The following ACOX3 variants were observed in gnomAD, a reference collection of about 807,000 sequenced individuals.
ACOX3 encodes acyl-CoA oxidase 3, pristanoyl, also known as peroxisomal acyl-coenzyme A oxidase 3.
A neutral mutation model predicts 81.5 loss-of-function variants in ACOX3; 73 were observed. The observed-to-expected ratio is 0.90, with a 90% CI of 0.74 to 1.09. The LOEUF is 1.09. Among genes scored for constraint, ACOX3 ranks in the 50% least tolerant of loss-of-function variants. The probability of loss-of-function intolerance (pLI) is 0.00; values close to 1 mark genes in which losing one functional copy is unlikely to be tolerated. For missense variants in ACOX3, 947 were observed against 928.0 expected, an observed-to-expected ratio of 1.02 and a Z score of -0.27; for synonymous variants, 387 against 375.1, an observed-to-expected ratio of 1.03 and a Z score of -0.37.
chr4:8,369,750 C>T lies in ACOX3; in HGVS notation c.1983+1158G>A, dbSNP rs181699899. Among the ~76,000 whole-genome samples the T allele has an allele frequency of 4.0e-3, 602 of 152,358 alleles. 2 individuals carry two copies. The highest frequency in any genetic ancestry group is 5.4e-3 in the Non-Finnish European group (367 of 68,028). The stretch of plus-strand genomic sequence containing the variant: ...ATTCCCTGAGGACTGAGGGAGGGTC[C>T]TGCCCACTAAGGCTCAATCTCCATT... On this transcript the variant is annotated intron_variant, in intron 17 of 17. Coordinates refer to ENST00000356406, the MANE Select transcript of ACOX3 (RefSeq NM_003501.3).
In ACOX3 at chr4:8,374,572, C is replaced by A. The variant is rs139297443; in HGVS notation, c.1828+406G>T. 619 of 178,676 alleles carry A rather than the reference C, an allele frequency of 3.5e-3. 2 individuals are homozygous for A. The highest frequency in any genetic ancestry group is 0.013 in the African/African-American group (536 of 42,686). The allele number at this position is 178,676 out of a possible 1,614,324, so 11.1% of individuals were successfully genotyped here. ...TTTGGTTTAGCCTATTCCCACCAAT[C>A]CTCCAGGAATCAGCCCCAGCACCCC... On this transcript the variant is annotated intron_variant, in intron 15 of 17. Transcript: ENST00000356406.
At position 8,370,461 on chromosome 4, in the gene ACOX3, C is replaced by A. The variant is rs1311642107; in HGVS notation, c.1983+447G>T. ...GGGAAAGCGGGGCAGGGGAGAGTAA[C>A]CCCGGTGACAACCATGGATGGTCAG... is the stretch of plus-strand genomic sequence containing the variant. On this transcript the variant is annotated intron_variant, in intron 17 of 17. Transcript: ENST00000356406. This position sits in a 1 kb window ranked among gnomAD's most constrained non-coding sequence, Gnocchi z 6.3. Among the ~76,000 whole-genome samples, 1 of 151,932 alleles carries A rather than the reference C, an allele frequency of 6.6e-6. No individual in the cohort carries two copies. The highest frequency in any genetic ancestry group is 1.5e-5 in the Non-Finnish European group (1 of 67,950).
rs1482034133 is a variant in ACOX3 at position 8,385,559 on chromosome 4, A to G, written c.1537+3614T>C. On this transcript the variant is annotated intron_variant, in intron 13 of 17. Coordinates refer to ENST00000356406, the MANE Select transcript of ACOX3 (RefSeq NM_003501.3). This position sits in a 1 kb window ranked among gnomAD's most constrained non-coding sequence, Gnocchi z 5.5. ...GCAGGAAGCAACAGCACAGGCCCCC[A>G]AGGCACAGGGCTGTGACACTCAGCT... 6.6e-6 allele frequency among the ~76,000 whole-genome samples: 1 copy of G among 152,264 alleles called. No homozygotes were observed. Among genetic ancestry groups the G allele is most frequent in the Non-Finnish European group, 1.5e-5 (1 of 68,042 alleles).
chr4:8,399,598 C>T lies in ACOX3; in HGVS notation c.831G>A (p.Met277Ile), dbSNP rs200661693. 3.7e-6 allele frequency: 6 copies of T among 1,614,052 alleles called. No homozygotes were observed. In the South Asian group the frequency reaches 4.4e-5, roughly 12 times the overall value. The stretch of plus-strand genomic sequence containing the variant: ...AGGTGCCCTCGGGGGTGACGTCTCC[C>T]ATCCGGTTCAGAAGGCTCTGGCGAG... ...RVPRQSLLNR[M>I]GDVTPEGTYV... is the part of the protein sequence containing the mutation. Residue 277 changes from methionine (M) to isoleucine (I), a missense_variant, in exon 8 of 18, where the codon ATG becomes ATA. Met to Ile is a conservative substitution (Grantham distance 10). Coordinates refer to ENST00000356406, the MANE Select transcript of ACOX3 (RefSeq NM_003501.3). This position sits in a 1 kb window ranked among gnomAD's most constrained non-coding sequence, Gnocchi z 4.9.
chr4:8,396,016 AC>A (rs1190617998), intron 9 of ACOX3, among the ~76,000 whole-genome samples: 1 of 152,188 alleles, frequency 6.6e-6, no homozygotes, highest in Non-Finnish European at 1.5e-5. Flanking sequence ...AGCTGTGAAG[AC>A]CAAACCCAGA....
chr4:8,371,674 A>G (rs1379207370), intron 16 of ACOX3, among the ~76,000 whole-genome samples: 1 of 152,266 alleles, frequency 6.6e-6, no homozygotes. Flanking sequence ...GGAGGAACTG[A>G]GTGCACCTCT....
At chr4:8,373,478 C>CA (rs200795721) in intron 16 of ACOX3, 83 bp downstream of exon 16, 10 of 1,436,066 alleles carry the variant, frequency 7.0e-6, no homozygotes, top group African/African-American at 3.0e-5. Flanking sequence ...GCGTGTCGGT[C>CA]TGGGTGATGC....
chr4:8,375,082 A>G lies in ACOX3; in HGVS notation c.1724T>C (p.Val575Ala), dbSNP rs1391407791. 1 of 1,554,138 alleles carries G rather than the reference A, an allele frequency of 6.4e-7. No homozygotes were observed. Among genetic ancestry groups the G allele is most frequent in the East Asian group, 2.4e-5 (1 of 41,708 alleles). Residue 575 changes from valine to alanine, a missense_variant, in exon 15 of 18, where the codon GTG becomes GCG. By Grantham distance (64) the Val-to-Ala change is moderately conservative. Transcript: ENST00000356406. ...CGAGGGCGGCACGGAAGGCTGGTGC[A>G]CGTGCTCGTGGAACCTCTGGACCAC... ...LTVVQRFHEHVHQPSVPPSLR... is the reference protein window; with the variant it reads ...LTVVQRFHEHAHQPSVPPSLR...
chr4:8,421,787 G>A (rs931235536), intron 1 of ACOX3, among the ~76,000 whole-genome samples: 10 of 152,192 alleles, frequency 6.6e-5, no homozygotes, highest in Non-Finnish European at 1.3e-4. Context: ...GACATGGGAA[G>A]TTATGTGGGA....
intron 15 of ACOX3, 166 bp from the exon 16 acceptor site, chr4:8,373,794 T>G: frequency 1.5e-6 from 1 of 652,028 alleles, no homozygotes; most frequent in East Asian, 2.7e-5. Context: ...CCAAGGAATG[T>G]GCTGCTCAGG....
intron 17 of ACOX3, among the ~76,000 whole-genome samples, chr4:8,369,022 A>G (rs559388177): frequency 2.0e-5 from 3 of 152,302 alleles, no homozygotes; most frequent in Admixed American, 6.5e-5. Context: ...CGACACCTCC[A>G]GCTGGCTCTG....
rs1001212305 is a variant in ACOX3 at position 8,423,252 on chromosome 4, C to T, written c.-14-6717G>A. Among the ~76,000 whole-genome samples the T allele has an allele frequency of 6.6e-6, 1 of 152,118 alleles. No individual in the cohort carries two copies. Among genetic ancestry groups the T allele is most frequent in the African/African-American group, 2.4e-5 (1 of 41,422 alleles). On this transcript the variant is annotated intron_variant, in intron 1 of 17. Transcript: ENST00000356406. This position sits in a 1 kb window ranked among gnomAD's most constrained non-coding sequence, Gnocchi z 4.2. ...GCCTTTCTAATTATGCCTGAAACCC[C>T]CACACCCTTGTTAGGGAGATACATT...
chr4:8,362,059 T>A (rs1715242102), downstream of ACOX3, among the ~76,000 whole-genome samples: 1 of 152,246 alleles, frequency 6.6e-6, no homozygotes. Context: ...TATTTTGTTA[T>A]CCACAGACAA....
chr4:8,440,647 C>A lies in ACOX3; in HGVS notation c.-15+1G>T. The stretch of plus-strand genomic sequence containing the variant: ...AATAAAACACAGGTCAAATTCCTCA[C>A]CCACACACTCCACAGTTCAACCCCT... On this transcript the variant is annotated splice_donor_variant, in intron 1 of 17. Transcript: ENST00000356406. LOFTEE classifies it low-confidence loss of function (5UTR_SPLICE). 1.4e-6 allele frequency: 1 copy of A among 722,134 alleles called. No individual in the cohort carries two copies. The highest frequency in any genetic ancestry group is 2.1e-6 in the Non-Finnish European group (1 of 482,332). The allele number at this position is 722,134 out of a possible 1,614,324, so 44.7% of individuals were successfully genotyped here. A position where few individuals can be genotyped will look rare whatever the true frequency, so the allele number is the denominator to read the frequency against.
chr4:8,358,863 T>C, the ACOX3 span, among the ~76,000 whole-genome samples: 442 of 152,348 alleles, frequency 2.9e-3, 4 homozygotes, highest in East Asian at 0.012. Flanking sequence ...TCAGGGCTGC[T>C]TTGTCTATGG....
chr4:8,369,892 A>T (rs1243528796), intron 17 of ACOX3, among the ~76,000 whole-genome samples: 1 of 152,216 alleles, frequency 6.6e-6, no homozygotes, highest in Non-Finnish European at 1.5e-5. Context: ...GACCTCAGGC[A>T]TGGGACATGA....
rs529481522 is a variant in ACOX3, at chr4:8,406,501, C to T, written c.688-458G>A. ...CAAGACAAAGAGATAAAAGAAAAGA[C>T]GGCTGGGTCCGGGGGACCACTACCA... On this transcript the variant is annotated intron_variant, in intron 6 of 17. Transcript: ENST00000356406. This position sits in a 1 kb window ranked among gnomAD's most constrained non-coding sequence, Gnocchi z 5.6. 1.3e-5 allele frequency among the ~76,000 whole-genome samples: 2 copies of T among 152,270 alleles called. No individual in the cohort carries two copies. Among genetic ancestry groups the T allele is most frequent in the East Asian group, 1.9e-4 (1 of 5,184 alleles).
Position 8,386,553 on chromosome 4 carries a change from G to A in ACOX3, c.1537+2620C>T, listed in dbSNP as rs371823932. On this transcript the variant is annotated intron_variant, in intron 13 of 17. Coordinates refer to ENST00000356406, the MANE Select transcript of ACOX3 (RefSeq NM_003501.3). The surrounding 1 kb of genome is among the most constrained non-coding windows in gnomAD (Gnocchi z 5.2). ...TGCACTCCAGCCTGGGCGACAGAGC[G>A]AGACTCCGTCTCAAAAAAAAAAAAA... 8.2e-5 allele frequency among the ~76,000 whole-genome samples: 12 copies of A among 147,144 alleles called. No individual in the cohort carries two copies. The highest frequency in any genetic ancestry group is 4.0e-4 in the East Asian group (2 of 5,034).
chr4:8,410,464 C>A, intron 5 of ACOX3, 109 bp from the exon 6 acceptor site: 2 of 1,431,666 alleles, frequency 1.4e-6, no homozygotes, highest in South Asian at 1.3e-5. Context: ...ATCTCTGAGG[C>A]AAGAGTTGAA....
Sources: allele counts gnomAD v4.1 joint callset (sites outside exome capture counted in the v4.1 genomes callset), GRCh38; gene constraint gnomAD v4.1.1; non-coding constraint Gnocchi (gnomAD v3.1); transcripts MANE v1.5; gene names NCBI Gene and HGNC (gene_info 2026-07-23, HGNC 2026-07-21).